The following TSPAN31 variants were observed in gnomAD, a reference collection of about 807,000 sequenced individuals.
TSPAN31 encodes the protein tetraspanin-31.
Under a neutral mutation model 24.8 loss-of-function variants are expected in TSPAN31, and 16 were observed. The observed-to-expected ratio is 0.64, with a 90% CI of 0.44 to 0.98. The LOEUF is 0.98. TSPAN31 is among the 50% of genes least tolerant of loss of function. The probability of loss-of-function intolerance (pLI) is 0.00; values close to 1 mark genes in which losing one functional copy is unlikely to be tolerated. For synonymous variants in TSPAN31, 87 were observed against 91.4 expected, an observed-to-expected ratio of 0.95 and a Z score of 0.27; for missense variants, 209 against 251.6, an observed-to-expected ratio of 0.83 and a Z score of 1.15.
rs1955144515 is a variant in TSPAN31 at position 57,746,032 on chromosome 12, C to T, written c.231+120C>T. 2.7e-6 allele frequency: 4 copies of T among 1,458,098 alleles called. No individual in the cohort carries two copies. In the African/African-American group the frequency reaches 4.2e-5, roughly 15 times the overall value. 90.3% of individuals were successfully genotyped at this position (1,458,098 alleles called of 1,614,324 possible). A position where few individuals can be genotyped will look rare whatever the true frequency, so the allele number is the denominator to read the frequency against. On this transcript the variant is annotated intron_variant, in intron 2 of 5. Transcript: ENST00000257910. ...GACACGTCTCCTTGCCCTGCCCTGT[C>T]CCATAATCTACGAAACAAGAGCTGA...
chr12:57,745,605 C>A (rs1230250869), intron 1 of TSPAN31, 140 bp from the exon 2 acceptor site: 2 of 1,063,372 alleles, frequency 1.9e-6, no homozygotes, highest in Non-Finnish European at 2.7e-6. Flanking sequence ...GCTCCCGGTG[C>A]GGATAGCACC....
rs140233512 is a variant in TSPAN31, at chr12:57,750,153, C to CAATAAATAAATAAATA, written c.*2894_*2909dup. 4 of 142,042 alleles carry CAATAAATAAATAAATA rather than the reference C, an allele frequency of 2.8e-5. No homozygotes were observed. The highest frequency in any genetic ancestry group is 7.9e-5 in the African/African-American group (3 of 38,086). The allele number at this position is 142,042 out of a possible 1,614,324, so 8.8% of individuals were successfully genotyped here. A position where few individuals can be genotyped will look rare whatever the true frequency, so the allele number is the denominator to read the frequency against. ...TGGGTGACAGAGTGAAACCTTATCT[C>CAATAAATAAATAAATA]AATAAATAAATAAATAAATAAATAA... On this transcript the variant is annotated 3_prime_UTR_variant, in exon 6 of 6. Transcript: ENST00000257910.
chr12:57,745,300 G>A (rs1426574842), intron 1 of TSPAN31, 83 bp downstream of exon 1: 1 of 1,430,892 alleles, frequency 7.0e-7, no homozygotes. Flanking sequence ...TGGGGAGAGG[G>A]GTGTATGGGG....
At position 57,749,937 on chromosome 12, in the gene TSPAN31, C is replaced by A. The variant is rs1463828642; in HGVS notation, c.*2647C>A. ...GCTTGAATCTGGGAGGTGGAGGTTG[C>A]AGTGAGCAGAGATCGCACTACTGCA... On this transcript the variant is annotated 3_prime_UTR_variant, in exon 6 of 6. Coordinates refer to ENST00000257910, the MANE Select transcript of TSPAN31 (RefSeq NM_005981.5). 1.2e-5 allele frequency: 3 copies of A among 259,726 alleles called. No individual in the cohort carries two copies. Among genetic ancestry groups the A allele is most frequent in the Non-Finnish European group, 2.3e-5 (3 of 132,844 alleles). 16.1% of individuals were successfully genotyped at this position (259,726 alleles called of 1,614,324 possible). A position where few individuals can be genotyped will look rare whatever the true frequency, so the allele number is the denominator to read the frequency against.
chr12:57,745,788 G>C lies in TSPAN31; in HGVS notation c.107G>C (p.Gly36Ala). The part of the protein sequence containing the change: ...LLIGVAAWGK[G>A]LGLVSSIHII... ...ATTGGAGTGGCTGCTTGGGGCAAGGGCCTGGGTCTGGTGTCCAGCATCCAC... is the reference window on the plus strand; with the variant it reads ...ATTGGAGTGGCTGCTTGGGGCAAGGCCCTGGGTCTGGTGTCCAGCATCCAC... Residue 36 changes from glycine (G) to alanine (A), a missense_variant, in exon 2 of 6, where the codon GGC becomes GCC. Physicochemically the swap from Gly to Ala is moderately conservative, Grantham distance 60 (BLOSUM62 0). Coordinates refer to ENST00000257910, the MANE Select transcript of TSPAN31 (RefSeq NM_005981.5). 6.2e-7 allele frequency: 1 copy of C among 1,613,820 alleles called. No individual in the cohort carries two copies. The highest frequency in any genetic ancestry group is 1.1e-5 in the South Asian group (1 of 91,066).
chr12:57,745,189 C>A lies in TSPAN31; in HGVS notation c.35C>A (p.Ala12Glu). The change falls in exon 1 of 6, where the codon GCG (alanine) becomes GAG (glutamate). Residue 12 changes from alanine to glutamate, a missense_variant. Transcript: ENST00000257910. The part of the protein sequence containing the change: ...VCGGFACSKN[A>E]LCALNVVYML... Reference sequence around the variant, plus strand: ...GGCGGCTTTGCCTGCTCCAAGAATGCGCTTTGCGCTCTCAACGTGGTCTAC... The same window carrying A: ...GGCGGCTTTGCCTGCTCCAAGAATGAGCTTTGCGCTCTCAACGTGGTCTAC... 6.2e-7 allele frequency: 1 copy of A among 1,607,314 alleles called. No individual in the cohort carries two copies. The highest frequency in any genetic ancestry group is 8.5e-7 in the Non-Finnish European group (1 of 1,176,978).
intron 4 of TSPAN31, 63 bp downstream of exon 4, chr12:57,746,783 C>G: frequency 1.2e-6 from 2 of 1,604,196 alleles, no homozygotes; most frequent in Non-Finnish European, 1.7e-6. Flanking sequence ...GGACAATGCC[C>G]AAGTTGGCAA....
Position 57,745,077 on chromosome 12 carries a change from T to A in TSPAN31, c.-78T>A, listed in dbSNP as rs1049790429. On this transcript the variant is annotated 5_prime_UTR_variant, in exon 1 of 6. Coordinates refer to ENST00000257910, the MANE Select transcript of TSPAN31 (RefSeq NM_005981.5). ...GGCCTCGATTTAAAGAGACAGAAGCTGTCGGGGTCCTGGAAGACGGTCCCC... is the reference window on the plus strand; with the variant it reads ...GGCCTCGATTTAAAGAGACAGAAGCAGTCGGGGTCCTGGAAGACGGTCCCC... 1.5e-6 allele frequency: 2 copies of A among 1,360,566 alleles called. No homozygotes were observed. Among genetic ancestry groups the A allele is most frequent in the African/African-American group, 2.9e-5 (2 of 69,268 alleles). 84.3% of individuals were successfully genotyped at this position (1,360,566 alleles called of 1,614,324 possible).
rs1470624157 is a variant in TSPAN31, at chr12:57,747,100, G to C, written c.527G>C (p.Gly176Ala). 1 of 1,614,154 alleles carries C rather than the reference G, an allele frequency of 6.2e-7. No individual in the cohort carries two copies. The highest frequency in any genetic ancestry group is 8.5e-7 in the Non-Finnish European group (1 of 1,180,008). Residue 176 changes from glycine (G) to alanine (A), a missense_variant, in exon 5 of 6, where the codon GGG (glycine) becomes GCG (alanine). Gly to Ala is a moderately conservative substitution (Grantham distance 60). Coordinates refer to ENST00000257910, the MANE Select transcript of TSPAN31 (RefSeq NM_005981.5). Reference protein sequence around the residue: ...KHSDEALKILGGVGLFFSFTE... With the variant: ...KHSDEALKILAGVGLFFSFTE... Reference sequence around the variant, plus strand: ...TCAGACGAAGCCCTGAAAATCCTAGGGGGTGTTGGACTCTTCTTTAGCTTT... The same window carrying C: ...TCAGACGAAGCCCTGAAAATCCTAGCGGGTGTTGGACTCTTCTTTAGCTTT...
At position 57,749,071 on chromosome 12, in the gene TSPAN31, C is replaced by A. The variant is rs2069506; in HGVS notation, c.*1781C>A. 445,526 of 1,346,344 alleles carry A rather than the reference C, an allele frequency of 0.33. 81,582 individuals carry two copies. The highest frequency in any genetic ancestry group is 0.7 in the East Asian group (30,593 of 43,632). 83.4% of individuals were successfully genotyped at this position (1,346,344 alleles called of 1,614,324 possible). ...TTTGCAGCTGTAATAAAAACTACAG[C>A]CCATCTACCAACCAAGTTTCATTAA... is the stretch of plus-strand genomic sequence containing the variant. On this transcript the variant is annotated 3_prime_UTR_variant, in exon 6 of 6. Transcript: ENST00000257910.
At chr12:57,746,797 T>C (rs2140378704) in intron 4 of TSPAN31, 77 bp downstream of exon 4, 2 of 1,593,486 alleles carry the variant, frequency 1.3e-6, no homozygotes, top group Non-Finnish European at 1.7e-6. Context: ...TTGGCAAATT[T>C]AGTTTGAATG....
Position 57,749,227 on chromosome 12 carries a change from C to A in TSPAN31, c.*1937C>A. 1.2e-6 allele frequency: 2 copies of A among 1,614,092 alleles called. No homozygotes were observed. Among genetic ancestry groups the A allele is most frequent in the Non-Finnish European group, 1.7e-6 (2 of 1,179,912 alleles). ...ACTCCTCCATCTCAGGTACCACCGA[C>A]TGCACTGGGCGGGGCCCTCTGGGGG... On this transcript the variant is annotated 3_prime_UTR_variant, in exon 6 of 6. Coordinates refer to ENST00000257910, the MANE Select transcript of TSPAN31 (RefSeq NM_005981.5).
intron 3 of TSPAN31, 71 bp from the exon 4 acceptor site, chr12:57,746,518 G>T: frequency 6.3e-7 from 1 of 1,586,588 alleles, no homozygotes; most frequent in South Asian, 1.1e-5. Flanking sequence ...TGCTGGGCTA[G>T]GGAAATTGAG....
Position 57,749,126 on chromosome 12 carries a change from CTATT to C in TSPAN31, c.*1838_*1841del, listed in dbSNP as rs1208642646. On this transcript the variant is annotated 3_prime_UTR_variant, in exon 6 of 6. Transcript: ENST00000257910. ...AGTGGCCAGGGCCCTGCATACTGCT[CTATT>C]TCTTTCCCCAGTCTCTATTTCTTTC... 2 of 1,610,354 alleles carry C rather than the reference CTATT, an allele frequency of 1.2e-6. No individual in the cohort carries two copies. The highest frequency in any genetic ancestry group is 1.7e-6 in the Non-Finnish European group (2 of 1,176,656).
intron 3 of TSPAN31, 91 bp downstream of exon 3, chr12:57,746,347 A>G (rs1390807992): frequency 5.4e-6 from 7 of 1,304,548 alleles, no homozygotes; most frequent in Non-Finnish European, 7.8e-6. Context: ...CAACTACCCA[A>G]AGATCATCCT....
intron 1 of TSPAN31, 144 bp downstream of exon 1, chr12:57,745,361 C>A: frequency 1.1e-6 from 1 of 880,046 alleles, no homozygotes; most frequent in Non-Finnish European, 1.7e-6. Context: ...TTCCTGGGGA[C>A]TTCCGTGGGA....
rs962894078 is a variant in TSPAN31 at position 57,748,857 on chromosome 12, C to T, written c.*1567C>T. The T allele has an allele frequency of 4.0e-5, 22 of 554,440 alleles. No individual in the cohort carries two copies. The highest frequency in any genetic ancestry group is 4.0e-4 in the African/African-American group (21 of 53,022). 34.3% of individuals were successfully genotyped at this position (554,440 alleles called of 1,614,324 possible). ...AGTAGCTGAGATTACAGGCGTGTGC[C>T]ACCACCCCCGGCTTATTTTTGTACT... On this transcript the variant is annotated 3_prime_UTR_variant, in exon 6 of 6. Transcript: ENST00000257910.
chr12:57,745,076 C>T lies in TSPAN31; in HGVS notation c.-79C>T. Reference sequence around the variant, plus strand: ...TGGCCTCGATTTAAAGAGACAGAAGCTGTCGGGGTCCTGGAAGACGGTCCC... The same window carrying T: ...TGGCCTCGATTTAAAGAGACAGAAGTTGTCGGGGTCCTGGAAGACGGTCCC... On this transcript the variant is annotated 5_prime_UTR_variant, in exon 1 of 6. Coordinates refer to ENST00000257910, the MANE Select transcript of TSPAN31 (RefSeq NM_005981.5). The T allele has an allele frequency of 7.4e-7, 1 of 1,345,448 alleles. No individual in the cohort carries two copies. The highest frequency in any genetic ancestry group is 2.5e-5 in the East Asian group (1 of 40,024). The allele number at this position is 1,345,448 out of a possible 1,614,324, so 83.3% of individuals were successfully genotyped here.
intron 1 of TSPAN31, 30 bp from the exon 2 acceptor site, chr12:57,745,715 G>A (rs1458823347): frequency 6.2e-7 from 1 of 1,613,106 alleles, no homozygotes; most frequent in Admixed American, 1.7e-5. Context: ...TGCTAGAATT[G>A]TTGAGATGTA....
Sources: allele counts gnomAD v4.1 joint callset, GRCh38; gene constraint gnomAD v4.1.1; transcripts MANE v1.5; gene names NCBI Gene and HGNC (gene_info 2026-07-23, HGNC 2026-07-21).